Variants in PMAIP1 observed in about 807,000 individuals in gnomAD.
PMAIP1 encodes the protein PMA-induced protein 1.
PMAIP1 carries 3 observed loss-of-function variants against 3.7 expected under a neutral mutation model. The observed-to-expected ratio is 0.82, with a 90% CI of 0.37 to 2.12. The LOEUF is 2.12. PMAIP1 is among the 30% of genes most tolerant of loss of function. The pLI is 0.06. For missense variants in PMAIP1, 77 were observed against 67.1 expected, an observed-to-expected ratio of 1.15 and a Z score of -0.52; for synonymous variants, 29 against 26.2, an observed-to-expected ratio of 1.11 and a Z score of -0.32.
rs1486634406 is a variant in PMAIP1, at chr18:59,900,280, C to T, written c.58+45C>T. On this transcript the variant is annotated intron_variant, in intron 1 of 1. Transcript: ENST00000316660. ...AGCGAAGACCCAGGCCGGGCGGGGT[C>T]GGGGCCGGGGTCGAGGTCTCGGCTG... is the stretch of plus-strand genomic sequence containing the variant. 20 of 1,530,548 alleles carry T rather than the reference C, an allele frequency of 1.3e-5. No homozygotes were observed. In the African/African-American group the frequency reaches 2.8e-4, roughly 21 times the overall value. The allele number at this position is 1,530,548 out of a possible 1,614,324, so 94.8% of individuals were successfully genotyped here. A position where few individuals can be genotyped will look rare whatever the true frequency, so the allele number is the denominator to read the frequency against.
rs556025580 is a variant in PMAIP1, at chr18:59,900,102, C to T, written c.-76C>T. The T allele has an allele frequency of 2.9e-5, 42 of 1,470,546 alleles. No individual in the cohort carries two copies. The African/African-American group carries it at 5.7e-4, about 20-fold the overall frequency. 91.1% of individuals were successfully genotyped at this position (1,470,546 alleles called of 1,614,324 possible). A position where few individuals can be genotyped will look rare whatever the true frequency, so the allele number is the denominator to read the frequency against. ...CTGTTCGTGTTCAGCTCGCGTCCTGCAGCTGTCCGAGGTGCTCCAGTTGGA... is the reference window on the plus strand; with the variant it reads ...CTGTTCGTGTTCAGCTCGCGTCCTGTAGCTGTCCGAGGTGCTCCAGTTGGA... On this transcript the variant is annotated 5_prime_UTR_variant, in exon 1 of 2. Coordinates refer to ENST00000316660, the MANE Select transcript of PMAIP1 (RefSeq NM_021127.3).
Position 59,900,432 on chromosome 18 carries a change from G to A in PMAIP1, c.58+197G>A, listed in dbSNP as rs533372872. On this transcript the variant is annotated intron_variant, in intron 1 of 1. Transcript: ENST00000316660. ...TTCTTCGGGGTTTTTCCCCAGGACC[G>A]GCGGGTACGGCGGGTACGGCGAGGG... 10 of 1,508,828 alleles carry A rather than the reference G, an allele frequency of 6.6e-6. No homozygotes were observed. In the African/African-American group the frequency reaches 1.4e-4, roughly 21 times the overall value. 93.5% of individuals were successfully genotyped at this position (1,508,828 alleles called of 1,614,324 possible).
At chr18:59,901,670 T>C (rs1026078655) in intron 1 of PMAIP1, among the ~76,000 whole-genome samples, 3 of 152,214 alleles carry the variant, frequency 2.0e-5, no homozygotes, top group African/African-American at 7.2e-5. Context: ...ATAGACCAGA[T>C]TTTAATTTGT....
chr18:59,902,626 A>G (rs1485652869), intron 1 of PMAIP1, 21 bp from the exon 2 acceptor site: 2 of 1,605,684 alleles, frequency 1.2e-6, no homozygotes, highest in East Asian at 4.5e-5. Flanking sequence ...GTTCATGTCC[A>G]TGTTTTGCTT....
intron 1 of PMAIP1, 78 bp downstream of exon 1, chr18:59,900,313 C>T: frequency 6.6e-7 from 1 of 1,512,346 alleles, no homozygotes; most frequent in Non-Finnish European, 8.8e-7. Context: ...CTGGGGCGGG[C>T]TCAGCTCGCC....
Position 59,902,628 on chromosome 18 carries a change from G to A in PMAIP1, c.59-19G>A. 4 of 1,608,628 alleles carry A rather than the reference G, an allele frequency of 2.5e-6. No homozygotes were observed. The highest frequency in any genetic ancestry group is 3.4e-6 in the Non-Finnish European group (4 of 1,175,048). ...TAATATCATCAATGTTCATGTCCAT[G>A]TTTTGCTTTCCTTCTCAGAGCTGGA... On this transcript the variant is annotated intron_variant, in intron 1 of 1. Coordinates refer to ENST00000316660, the MANE Select transcript of PMAIP1 (RefSeq NM_021127.3).
intron 1 of PMAIP1, 183 bp downstream of exon 1, chr18:59,900,418 T>G: frequency 6.5e-7 from 1 of 1,550,108 alleles, no homozygotes; most frequent in Non-Finnish European, 8.7e-7. Flanking sequence ...TCTTCGGGGT[T>G]TTTCCCCAGG....
chr18:59,900,160 G>T lies in PMAIP1; in HGVS notation c.-18G>T. 6.4e-7 allele frequency: 1 copy of T among 1,556,204 alleles called. No individual in the cohort carries two copies. Among genetic ancestry groups the T allele is most frequent in the African/African-American group, 1.3e-5 (1 of 74,342 alleles). On this transcript the variant is annotated 5_prime_UTR_variant, in exon 1 of 2. Transcript: ENST00000316660. ...GTTCCCGGGCTCTGTAGCTGAGTGG[G>T]CGGCGGCACCGGCGGAGATGCCTGG... is the stretch of plus-strand genomic sequence containing the variant.
At chr18:59,901,453 C>G (rs1278569584) in intron 1 of PMAIP1, among the ~76,000 whole-genome samples, 1 of 151,960 alleles carries the variant, frequency 6.6e-6, no homozygotes, top group Non-Finnish European at 1.5e-5. Context: ...GTAAATACTT[C>G]CCAACATATT....
chr18:59,902,634 C>G lies in PMAIP1; in HGVS notation c.59-13C>G, dbSNP rs774406036. The stretch of plus-strand genomic sequence containing the variant: ...CATCAATGTTCATGTCCATGTTTTG[C>G]TTTCCTTCTCAGAGCTGGAAGTCGA... On this transcript the variant is annotated splice_polypyrimidine_tract_variant and intron_variant, in intron 1 of 1. Coordinates refer to ENST00000316660, the MANE Select transcript of PMAIP1 (RefSeq NM_021127.3). 5 of 1,612,088 alleles carry G rather than the reference C, an allele frequency of 3.1e-6. No individual in the cohort carries two copies. The highest frequency in any genetic ancestry group is 4.2e-6 in the Non-Finnish European group (5 of 1,178,292).
At chr18:59,902,549 G>A in intron 1 of PMAIP1, 98 bp from the exon 2 acceptor site, 3 of 979,236 alleles carry the variant, frequency 3.1e-6, no homozygotes, top group Non-Finnish European at 4.8e-6. Flanking sequence ...TGCTTCCTGG[G>A]ATACTCAATT....
intron 1 of PMAIP1, among the ~76,000 whole-genome samples, chr18:59,901,721 G>A (rs1259528887): frequency 6.6e-6 from 1 of 152,054 alleles, no homozygotes. Flanking sequence ...AAGTGTACCC[G>A]AAAGACCTCA....
In PMAIP1 at chr18:59,903,111, G is replaced by A. The variant is rs2055785280; in HGVS notation, c.*358G>A. On this transcript the variant is annotated 3_prime_UTR_variant, in exon 2 of 2. Coordinates refer to ENST00000316660, the MANE Select transcript of PMAIP1 (RefSeq NM_021127.3). ...GGCCTACTGTGAAGGGAGATGACCT[G>A]TGATTAGACTGGGCGGCTGGGGAGA... 1 of 523,278 alleles carries A rather than the reference G, an allele frequency of 1.9e-6. No individual in the cohort carries two copies. The highest frequency in any genetic ancestry group is 3.4e-6 in the Non-Finnish European group (1 of 292,712). 32.4% of individuals were successfully genotyped at this position (523,278 alleles called of 1,614,324 possible).
intron 1 of PMAIP1, among the ~76,000 whole-genome samples, chr18:59,901,501 T>A (rs1381390943): frequency 6.6e-6 from 1 of 152,170 alleles, no homozygotes; most frequent in Non-Finnish European, 1.5e-5. Flanking sequence ...CCTTAAGGGA[T>A]TTATTAGGTC....
chr18:59,902,249 A>T (rs1317734468), intron 1 of PMAIP1, among the ~76,000 whole-genome samples: 1 of 152,232 alleles, frequency 6.6e-6, no homozygotes, highest in African/African-American at 2.4e-5. Context: ...AGATGACATC[A>T]TCTAAGGCTG....
chr18:59,901,233 T>C (rs1394104831), intron 1 of PMAIP1, among the ~76,000 whole-genome samples: 3 of 152,230 alleles, frequency 2.0e-5, no homozygotes, highest in Non-Finnish European at 4.4e-5. Flanking sequence ...TGATTGATAC[T>C]AATACATTTA....
chr18:59,900,284 G>T, intron 1 of PMAIP1, 49 bp downstream of exon 1: 1 of 1,530,196 alleles, frequency 6.5e-7, no homozygotes, highest in South Asian at 1.2e-5. Context: ...CGGGGTCGGG[G>T]CCGGGGTCGA....
In PMAIP1 at chr18:59,904,200, G is replaced by T. The variant is rs551426467; in HGVS notation, c.*1447G>T. 6.6e-6 allele frequency: 1 copy of T among 151,944 alleles called. No individual in the cohort carries two copies. Among genetic ancestry groups the T allele is most frequent in the Non-Finnish European group, 1.5e-5 (1 of 67,944 alleles). The allele number at this position is 151,944 out of a possible 1,614,324, so 9.4% of individuals were successfully genotyped here. ...GAGAGTTTTTTTTTTCAGCCTAGAG[G>T]CAGCTATTTTACCATCTGGTATTTA... is the stretch of plus-strand genomic sequence containing the variant. On this transcript the variant is annotated 3_prime_UTR_variant, in exon 2 of 2. Transcript: ENST00000316660.
chr18:59,900,673 G>A, intron 1 of PMAIP1: 1 of 1,302,358 alleles, frequency 7.7e-7, no homozygotes, highest in Non-Finnish European at 1.1e-6. Context: ...TTCCAGAGAC[G>A]GCCCCACAAG....
Sources: allele counts gnomAD v4.1 joint callset (sites outside exome capture counted in the v4.1 genomes callset), GRCh38; gene constraint gnomAD v4.1.1; transcripts MANE v1.5; gene names NCBI Gene and HGNC (gene_info 2026-07-23, HGNC 2026-07-21).